ABTB2: variants seen among roughly 807,000 people sequenced by gnomAD.
ABTB2 encodes the protein ankyrin repeat and BTB domain containing 2.
A neutral mutation model predicts 104.1 loss-of-function variants in ABTB2; 56 were observed. The observed-to-expected ratio is 0.54, with a 90% confidence interval of 0.43 to 0.67. ABTB2 has a LOEUF of 0.67. ABTB2 is among the 30% of genes least tolerant of loss of function. ABTB2 has a pLI of 0.00. For missense variants in ABTB2, 1,279 were observed against 1,407.7 expected (o/e 0.91, Z 1.46); for synonymous variants, 606 against 608.2 (o/e 1.00, Z 0.05).
chr11:34,158,416 AAAC>A (rs1852659912), intron 14 of ABTB2, among the ~76,000 whole-genome samples: 2 of 152,276 alleles, frequency 1.3e-5, no homozygotes, highest in Admixed American at 6.5e-5. Flanking sequence ...GTGTCAAAAA[AAAC>A]AAAAAAAAGC....
At chr11:34,198,157 G>T (rs1174121380) in intron 2 of ABTB2, among the ~76,000 whole-genome samples, 3 of 152,136 alleles carry the variant, frequency 2.0e-5, no homozygotes, top group Non-Finnish European at 4.4e-5. Context: ...GGGCACAGTG[G>T]CTCACGCTGT....
Position 34,300,056 on chromosome 11 carries a change from G to T in ABTB2, c.883+56645C>A, listed in dbSNP as rs184679433. On this transcript the variant is annotated intron_variant, in intron 1 of 16. Transcript: ENST00000435224. ...CCTACGCTTGGTGGGGGGAAGATGA[G>T]GGGTGGGAATACCTTCAAGGTGAGG... Among the ~76,000 whole-genome samples, 52 of 152,306 alleles carry T rather than the reference G, an allele frequency of 3.4e-4. No individual in the cohort carries two copies. In the South Asian group the frequency reaches 3.5e-3, roughly 10 times the overall value.
At chr11:34,294,651 G>A (rs1854599131) in intron 1 of ABTB2, among the ~76,000 whole-genome samples, 1 of 152,012 alleles carries the variant, frequency 6.6e-6, no homozygotes. Flanking sequence ...AAAGCAGGAC[G>A]ATCCCTTGAG....
In ABTB2 at chr11:34,159,899, T is replaced by C; in HGVS notation, c.2606+7A>G. On this transcript the variant is annotated splice_region_variant and intron_variant, in intron 13 of 16. Transcript: ENST00000435224. Reference sequence around the variant, plus strand: ...GGGCTGGGAGTTTGTTATCTGAGGCTGCCTACCTGTTAGAAGCTGTCACCA... The same window carrying C: ...GGGCTGGGAGTTTGTTATCTGAGGCCGCCTACCTGTTAGAAGCTGTCACCA... The C allele has an allele frequency of 6.2e-7, 1 of 1,609,026 alleles. No individual in the cohort carries two copies. The highest frequency in any genetic ancestry group is 1.1e-5 in the South Asian group (1 of 90,932).
chr11:34,303,359 C>G (rs1247729814), intron 1 of ABTB2, among the ~76,000 whole-genome samples: 1 of 152,172 alleles, frequency 6.6e-6, no homozygotes, highest in Admixed American at 6.5e-5. Context: ...ACCAGTCAAG[C>G]ATGTTTTACT....
chr11:34,277,593 G>C (rs1201162418), intron 1 of ABTB2, among the ~76,000 whole-genome samples: 1 of 15,976 alleles, frequency 6.3e-5, no homozygotes, highest in African/African-American at 2.6e-4. Context: ...AGACCAGCCT[G>C]GCCAATATGG....
At chr11:34,295,887 C>T (rs180974894) in intron 1 of ABTB2, among the ~76,000 whole-genome samples, 2 of 152,256 alleles carry the variant, frequency 1.3e-5, no homozygotes, top group African/African-American at 2.4e-5. Context: ...ACCCTCATGA[C>T]CTAATCACTT....
rs562356300 is a variant in ABTB2, at chr11:34,272,455, C to T, written c.884-67765G>A. On this transcript the variant is annotated intron_variant, in intron 1 of 16. Coordinates refer to ENST00000435224, the MANE Select transcript of ABTB2 (RefSeq NM_145804.3). ...AAGCGTGGTGGCTCACGCCTGTGAT[C>T]CCAGCACTTTGGGAGGCCAAGGCAG... Among the ~76,000 whole-genome samples, 117 of 152,076 alleles carry T rather than the reference C, an allele frequency of 7.7e-4. 1 individual carries two copies. In the South Asian group the frequency reaches 1.0e-2, roughly 13 times the overall value.
intron 1 of ABTB2, among the ~76,000 whole-genome samples, chr11:34,274,811 T>C (rs1420433618): frequency 1.3e-5 from 2 of 152,108 alleles, no homozygotes; most frequent in South Asian, 4.1e-4. Context: ...AGTGCAGTAT[T>C]GCGCAAACGT....
At chr11:34,255,130 G>A (rs1046297645) in intron 1 of ABTB2, among the ~76,000 whole-genome samples, 1 of 152,178 alleles carries the variant, frequency 6.6e-6, no homozygotes, top group African/African-American at 2.4e-5. Flanking sequence ...GCCATTTACA[G>A]ATGAGAAAAC....
intron 1 of ABTB2, among the ~76,000 whole-genome samples, chr11:34,322,512 T>C (rs1279745300): frequency 1.3e-5 from 2 of 152,052 alleles, no homozygotes; most frequent in Non-Finnish European, 2.9e-5. Context: ...GTGGTGGAAG[T>C]TGCAGTGAAC....
chr11:34,241,712 C>T (rs546870869), intron 1 of ABTB2, among the ~76,000 whole-genome samples: 4 of 152,306 alleles, frequency 2.6e-5, no homozygotes, highest in South Asian at 2.1e-4. Context: ...GGCAAGATGG[C>T]GAGACCCCCA....
rs542061904 is a variant in ABTB2 at position 34,182,501 on chromosome 11, G to A, written c.1245-9194C>T. Reference sequence around the variant, plus strand: ...GAGGTGGGGCATTGGGTTCTCTGGGGGGGGGGGGAAATTCACTTTTCCTAT... The same window carrying A: ...GAGGTGGGGCATTGGGTTCTCTGGGAGGGGGGGGAAATTCACTTTTCCTAT... On this transcript the variant is annotated intron_variant, in intron 3 of 16. Coordinates refer to ENST00000435224, the MANE Select transcript of ABTB2 (RefSeq NM_145804.3). Among the ~76,000 whole-genome samples, 2 of 139,548 alleles carry A rather than the reference G, an allele frequency of 1.4e-5. 1 individual carries two copies. Among genetic ancestry groups the A allele is most frequent in the African/African-American group, 5.5e-5 (2 of 36,438 alleles). 91.5% of individuals were successfully genotyped at this position (139,548 alleles called of 152,430 possible).
In ABTB2 at chr11:34,162,765, T is replaced by G; in HGVS notation, c.2029A>C (p.Lys677Gln). 1.2e-6 allele frequency: 2 copies of G among 1,608,766 alleles called. No homozygotes were observed. The highest frequency in any genetic ancestry group is 1.7e-6 in the Non-Finnish European group (2 of 1,179,974). Residue 677 changes from lysine (K) to glutamine (Q), a missense_variant, in exon 10 of 17, where the codon AAA (lysine) becomes CAA (glutamine). By Grantham distance (53) the Lys-to-Gln change is moderately conservative. Coordinates refer to ENST00000435224, the MANE Select transcript of ABTB2 (RefSeq NM_145804.3). The stretch of plus-strand genomic sequence containing the variant: ...TCCTCCAGGGACAGCACGTCCGCTT[T>G]AGCCTGCTGTGGCTGCGTCAGGAGC... ...RKLLTQPQQA[K>Q]ADVLSLEEIL...
intron 1 of ABTB2, among the ~76,000 whole-genome samples, chr11:34,246,067 A>G (rs10768054): frequency 0.49 from 75,245 of 152,128 alleles, 18,939 homozygotes; most frequent in Middle Eastern, 0.59. Flanking sequence ...CCCTATAAGG[A>G]TATGAGGGGC....
At chr11:34,345,863 CT>C (rs1022679233) in intron 1 of ABTB2, among the ~76,000 whole-genome samples, 2 of 152,158 alleles carry the variant, frequency 1.3e-5, no homozygotes, top group Non-Finnish European at 2.9e-5. Flanking sequence ...AAAAGCAACT[CT>C]TTTTTTGCCA....
chr11:34,274,434 G>T (rs1854358289), intron 1 of ABTB2, among the ~76,000 whole-genome samples: 1 of 152,028 alleles, frequency 6.6e-6, no homozygotes, highest in East Asian at 1.9e-4. Flanking sequence ...AGAGACTGCA[G>T]TTCCTCTCAC....
rs187312195 is a variant in ABTB2 at position 34,308,695 on chromosome 11, C to T, written c.883+48006G>A. On this transcript the variant is annotated intron_variant, in intron 1 of 16. Coordinates refer to ENST00000435224, the MANE Select transcript of ABTB2 (RefSeq NM_145804.3). The stretch of plus-strand genomic sequence containing the variant: ...GACCAGCCTGGCCAACATGGTGAAA[C>T]CCTGTCTGCACTAAAAATACAAAAA... Among the ~76,000 whole-genome samples, 365 of 151,782 alleles carry T rather than the reference C, an allele frequency of 2.4e-3. 2 individuals are homozygous for T. Among genetic ancestry groups the T allele is most frequent in the African/African-American group, 8.5e-3 (353 of 41,382 alleles).
intron 14 of ABTB2, among the ~76,000 whole-genome samples, chr11:34,158,770 T>C (rs1056369662): frequency 6.6e-6 from 1 of 152,258 alleles, no homozygotes; most frequent in African/African-American, 2.4e-5. Flanking sequence ...GACTTTGATC[T>C]ACAGTCAGGA....
Sources: allele counts gnomAD v4.1 joint callset (sites outside exome capture counted in the v4.1 genomes callset), GRCh38; gene constraint gnomAD v4.1.1; transcripts MANE v1.5; gene names NCBI Gene and HGNC (gene_info 2026-07-23, HGNC 2026-07-21).